Variants in ZNG1A observed in about 807,000 individuals in gnomAD.
The protein encoded by ZNG1A is zinc-regulated GTPase metalloprotein activator 1A.
the ZNG1A span, among the ~76,000 whole-genome samples, chr9:155,042 G>A: frequency 7.2e-5 from 11 of 151,902 alleles, no homozygotes; most frequent in African/African-American, 2.2e-4. Context: ...TTACCCATTC[G>A]CAAAGTATTT....
chr9:153,562 G>A, the ZNG1A span: 2 of 150,548 alleles, frequency 1.3e-5, no homozygotes, highest in African/African-American at 2.4e-5. Context: ...ACAGACCAAG[G>A]ATTAGAACCC....
At chr9:169,856 T>TAA in the ZNG1A span, among the ~76,000 whole-genome samples, 5 of 2,962 alleles carry the variant, frequency 1.7e-3, no homozygotes, top group Non-Finnish European at 0.018. Context: ...AAACACAGCT[T>TAA]TTTTTTTTTT....
At chr9:162,608 T>C in the ZNG1A span, 6 of 613,582 alleles carry the variant, frequency 9.8e-6, no homozygotes, top group Non-Finnish European at 1.7e-5. Flanking sequence ...TACTGTTTTT[T>C]TCTCTTGCCA....
chr9:124,828 C>A, the ZNG1A span, among the ~76,000 whole-genome samples: 2 of 145,046 alleles, frequency 1.4e-5, no homozygotes, highest in South Asian at 2.3e-4. Context: ...TTCCTGAGTT[C>A]TTTCACTTAG....
At chr9:154,867 G>A in the ZNG1A span, 6 of 1,367,664 alleles carry the variant, frequency 4.4e-6, no homozygotes, top group East Asian at 2.3e-5. Flanking sequence ...TACATCAAAA[G>A]AGGAATGTTA....
chr9:157,079 A>AT, the ZNG1A span, among the ~76,000 whole-genome samples: 1 of 133,576 alleles, frequency 7.5e-6, no homozygotes, highest in East Asian at 2.2e-4. Context: ...CTAGAAACAA[A>AT]TAAGTGGTGG....
the ZNG1A span, chr9:154,396 C>A: frequency 2.2e-6 from 1 of 455,710 alleles, no homozygotes; most frequent in Non-Finnish European, 3.8e-6. Flanking sequence ...AGTGAATTAA[C>A]CATCCTGGGT....
At chr9:124,869 T>G in the ZNG1A span, among the ~76,000 whole-genome samples, 1 of 149,902 alleles carries the variant, frequency 6.7e-6, no homozygotes, top group South Asian at 2.2e-4. Flanking sequence ...TCCAGGTCAC[T>G]GCGAATGCCA....
the ZNG1A span, among the ~76,000 whole-genome samples, chr9:129,869 G>C: frequency 6.8e-6 from 1 of 146,494 alleles, no homozygotes; most frequent in Non-Finnish European, 1.5e-5. Context: ...AAAGAGAAAT[G>C]AGCTGTTGGG....
chr9:178,440 G>A, the ZNG1A span, among the ~76,000 whole-genome samples: 1 of 118,958 alleles, frequency 8.4e-6, no homozygotes, highest in African/African-American at 2.7e-5. Flanking sequence ...ACAGGTAGGT[G>A]GTTCCGGCCC....
the ZNG1A span, among the ~76,000 whole-genome samples, chr9:162,783 A>C: frequency 0.014 from 2,150 of 150,242 alleles, 35 homozygotes; most frequent in African/African-American, 0.05. Context: ...TCCAAAATAT[A>C]AGTCAAATTT....
the ZNG1A span, among the ~76,000 whole-genome samples, chr9:137,762 TG>T: frequency 7.2e-6 from 1 of 139,462 alleles, no homozygotes; most frequent in African/African-American, 2.7e-5. Flanking sequence ...CATTTTTAAA[TG>T]AACAAACCAA....
At chr9:156,057 T>C in the ZNG1A span, among the ~76,000 whole-genome samples, 1 of 150,648 alleles carries the variant, frequency 6.6e-6, no homozygotes, top group South Asian at 2.1e-4. Context: ...GGAGAATCGC[T>C]TGAACCTGGG....
At chr9:131,339 T>TACTAAAGAAAC in the ZNG1A span, among the ~76,000 whole-genome samples, 1 of 148,772 alleles carries the variant, frequency 6.7e-6, no homozygotes, top group Non-Finnish European at 1.5e-5. Flanking sequence ...CTCAGGTTTG[T>TACTAAAGAAAC]TTATTTAGTC....
At chr9:136,806 A>C in the ZNG1A span, among the ~76,000 whole-genome samples, 10 of 152,068 alleles carry the variant, frequency 6.6e-5, no homozygotes, top group Admixed American at 2.0e-4. Context: ...TAAGAGGCCA[A>C]GTAGGAGAAT....
the ZNG1A span, among the ~76,000 whole-genome samples, chr9:142,727 C>T: frequency 6.9e-6 from 1 of 144,772 alleles, no homozygotes; most frequent in Admixed American, 7.0e-5. Flanking sequence ...ACACAAAAAA[C>T]CCTTCAAAAA....
At chr9:171,530 G>T in the ZNG1A span, 2 of 154,792 alleles carry the variant, frequency 1.3e-5, no homozygotes, top group Admixed American at 6.3e-5. Context: ...CCATAGTAGA[G>T]TTCAGAGTTT....
At chr9:178,856 G>A in the ZNG1A span, 10 of 1,149,518 alleles carry the variant, frequency 8.7e-6, 3 homozygotes, top group Non-Finnish European at 1.0e-5. Context: ...TCTTGGCGCC[G>A]AGGCCAGACT....
chr9:164,322 T>A, the ZNG1A span: 1 of 295,930 alleles, frequency 3.4e-6, no homozygotes, highest in Non-Finnish European at 6.1e-6. Flanking sequence ...ACCGATGCCA[T>A]AATAATTTAA....
Sources: gnomAD v4.1 joint callset for allele counts (sites outside exome capture counted in the v4.1 genomes callset) on GRCh38, gnomAD v4.1.1 for gene constraint, MANE v1.5 for transcripts, NCBI Gene and HGNC (gene_info 2026-07-23, HGNC 2026-07-21) for gene names.